TMEM232: variants seen among roughly 807,000 people sequenced by gnomAD.
TMEM232 encodes the protein transmembrane protein 232.
In TMEM232, 80 loss-of-function variants were observed where a neutral mutation model predicts 78.8. That is an observed-to-expected ratio of 1.01 (90% CI 0.85 to 1.22). The LOEUF (loss-of-function observed/expected upper bound fraction) is 1.22. TMEM232 is among the 50% of genes most tolerant of loss of function. The pLI, the probability that TMEM232 is intolerant of heterozygous loss-of-function variation, is 0.00. For synonymous variants in TMEM232, 297 were observed against 254.3 expected (o/e 1.17, Z -1.60); for missense variants, 881 against 742.2 (o/e 1.19, Z -2.17).
At chr5:110,587,687 ATATATGTGTGTGTG>A (rs1160047171) in intron 10 of TMEM232, among the ~76,000 whole-genome samples, 1,031 of 77,978 alleles carry the variant, frequency 0.013, 8 homozygotes, top group African/African-American at 0.052. Context: ...ATATATATAT[ATATATGTGTGTGTG>A]TGTGTGTGTG....
intron 3 of TMEM232, chr5:110,390,674 A>C (rs1254036875): frequency 6.6e-6 from 1 of 152,218 alleles, no homozygotes; most frequent in African/African-American, 2.4e-5. Flanking sequence ...ATAAGAATCC[A>C]TTGAATATCA....
chr5:110,681,102 G>A (rs1484442633), intron 1 of TMEM232, among the ~76,000 whole-genome samples: 1 of 152,142 alleles, frequency 6.6e-6, no homozygotes, highest in African/African-American at 2.4e-5. Flanking sequence ...AGGTTGAGGA[G>A]GAAGGAAATG....
chr5:110,675,656 G>A (rs1791936504), intron 1 of TMEM232, among the ~76,000 whole-genome samples: 3 of 152,150 alleles, frequency 2.0e-5, no homozygotes, highest in Admixed American at 2.0e-4. Flanking sequence ...GCAAATGTAA[G>A]TGACAAATAA....
At chr5:110,587,301 T>C (rs1778928386) in intron 10 of TMEM232, among the ~76,000 whole-genome samples, 1 of 151,962 alleles carries the variant, frequency 6.6e-6, no homozygotes, top group Non-Finnish European at 1.5e-5. Flanking sequence ...TTTACAGGTG[T>C]CTCACTAAGC....
chr5:110,468,869 G>T (rs923335665), intron 12 of TMEM232, among the ~76,000 whole-genome samples: 1 of 152,128 alleles, frequency 6.6e-6, no homozygotes, highest in Non-Finnish European at 1.5e-5. Flanking sequence ...CTAAAGGAGA[G>T]TACTGGAATA....
intron 1 of TMEM232, among the ~76,000 whole-genome samples, chr5:110,724,420 T>A (rs895647730): frequency 6.6e-6 from 1 of 152,236 alleles, no homozygotes; most frequent in Non-Finnish European, 1.5e-5. Context: ...CTAAACTGTG[T>A]ATAACTTAAC....
chr5:110,673,016 C>A (rs895318853), intron 1 of TMEM232, among the ~76,000 whole-genome samples: 3 of 152,008 alleles, frequency 2.0e-5, no homozygotes, highest in African/African-American at 4.8e-5. Context: ...ATGTTTATTG[C>A]GGCACTATTC....
At chr5:110,691,764 T>C (rs1191800742) in intron 1 of TMEM232, among the ~76,000 whole-genome samples, 1 of 152,222 alleles carries the variant, frequency 6.6e-6, no homozygotes. Flanking sequence ...AACCACATAT[T>C]TGCTTTATCT....
intron 13 of TMEM232, among the ~76,000 whole-genome samples, chr5:110,422,118 T>C (rs1434315559): frequency 1.3e-5 from 2 of 152,206 alleles, no homozygotes; most frequent in Non-Finnish European, 2.9e-5. Flanking sequence ...TCTAGTTGTT[T>C]AAGAAAATTA....
intron 2 of TMEM232, among the ~76,000 whole-genome samples, chr5:110,403,342 G>C (rs1325292415): frequency 6.6e-6 from 1 of 152,048 alleles, no homozygotes; most frequent in Non-Finnish European, 1.5e-5. Context: ...ATCACTCTCA[G>C]CTAGATAAAA....
intron 1 of TMEM232, among the ~76,000 whole-genome samples, chr5:110,669,976 A>C (rs568224201): frequency 6.6e-6 from 1 of 152,130 alleles, no homozygotes; most frequent in Admixed American, 6.6e-5. Flanking sequence ...TTGATGGGAC[A>C]TATCTCAAAA....
intron 1 of TMEM232, among the ~76,000 whole-genome samples, chr5:110,689,585 T>C (rs940880445): frequency 2.0e-5 from 3 of 152,094 alleles, no homozygotes; most frequent in African/African-American, 4.8e-5. Flanking sequence ...TTCAATGCTA[T>C]CCCCATCAAG....
At chr5:110,647,529 CGT>C (rs1283472589) in intron 2 of TMEM232, among the ~76,000 whole-genome samples, 1 of 151,586 alleles carries the variant, frequency 6.6e-6, no homozygotes, top group Admixed American at 6.6e-5. Flanking sequence ...AGTTTTTTGT[CGT>C]GTTTTTATGT....
At chr5:110,413,105 C>G (rs1756058125) in intron 2 of TMEM232, among the ~76,000 whole-genome samples, 1 of 152,040 alleles carries the variant, frequency 6.6e-6, no homozygotes, top group South Asian at 2.1e-4. Context: ...ACATTTGAGT[C>G]AGTGGACTGG....
intron 12 of TMEM232, among the ~76,000 whole-genome samples, chr5:110,433,187 G>A (rs1014371546): frequency 3.3e-5 from 5 of 151,636 alleles, no homozygotes; most frequent in African/African-American, 1.2e-4. Flanking sequence ...ACATGCTTCT[G>A]ATCTGCATAT....
chr5:110,692,966 C>T (rs1794313405), intron 1 of TMEM232, among the ~76,000 whole-genome samples: 1 of 152,184 alleles, frequency 6.6e-6, no homozygotes, highest in Non-Finnish European at 1.5e-5. Flanking sequence ...GCAGTTCTCC[C>T]AGCACGCAGT....
chr5:110,552,251 C>A (rs1474192338), intron 11 of TMEM232, among the ~76,000 whole-genome samples: 2 of 151,590 alleles, frequency 1.3e-5, no homozygotes, highest in Admixed American at 1.3e-4. Context: ...CTGAAAATAG[C>A]CACAATATAT....
downstream of TMEM232, among the ~76,000 whole-genome samples, chr5:110,416,288 C>A (rs1453251013): frequency 6.6e-6 from 1 of 152,176 alleles, no homozygotes; most frequent in Non-Finnish European, 1.5e-5. Flanking sequence ...CATGTCTTTT[C>A]TACAGAGGCA....
At chr5:110,393,921 G>A (rs1025421167) in intron 3 of TMEM232, among the ~76,000 whole-genome samples, 3 of 141,520 alleles carry the variant, frequency 2.1e-5, no homozygotes, top group Admixed American at 7.4e-5. Flanking sequence ...TCACGCCACT[G>A]CACTCCAGCC....
Sources: gnomAD v4.1 joint callset for allele counts (sites outside exome capture counted in the v4.1 genomes callset) on GRCh38, gnomAD v4.1.1 for gene constraint, MANE v1.5 for transcripts, NCBI Gene and HGNC (gene_info 2026-07-23, HGNC 2026-07-21) for gene names.